BCKDHA: variants seen among roughly 807,000 people sequenced by gnomAD.
BCKDHA encodes branched chain keto acid dehydrogenase E1 subunit alpha, also known as 2-oxoisovalerate dehydrogenase subunit alpha, mitochondrial.
A neutral mutation model predicts 52.2 loss-of-function variants in BCKDHA; 43 were observed. The observed-to-expected ratio is 0.82, with a 90% CI of 0.64 to 1.06. The LOEUF is 1.06. Ranked by LOEUF, BCKDHA falls within the 50% of genes least tolerant of loss-of-function variation. BCKDHA has a pLI of 0.00. For synonymous variants in BCKDHA, 234 were observed against 247.9 expected, an observed-to-expected ratio of 0.94 and a Z score of 0.53; for missense variants, 527 against 621.3, an observed-to-expected ratio of 0.85 and a Z score of 1.61.
At chr19:41,418,081 G>C (rs896456061) in intron 4 of BCKDHA, among the ~76,000 whole-genome samples, 2 of 106,786 alleles carry the variant, frequency 1.9e-5, no homozygotes, top group African/African-American at 7.9e-5. Context: ...GGCCAAGCCA[G>C]ACTCTGTCTC....
Position 41,422,362 on chromosome 19 carries a change from A to G in BCKDHA, c.845A>G (p.Asp282Gly). 6.2e-7 allele frequency: 1 copy of G among 1,614,110 alleles called. No individual in the cohort carries two copies. Among genetic ancestry groups the G allele is most frequent in the South Asian group, 1.1e-5 (1 of 91,082 alleles). Residue 282 changes from aspartate (D) to glycine (G), a missense_variant, in exon 6 of 9, where the codon GAT becomes GGT. Transcript: ENST00000269980. ...STPTSEQYRG[D>G]GIAARGPGYG... is the part of the protein sequence containing the mutation. ...CCCACCTCTGAGCAGTATCGCGGCG[A>G]TGGCATTGGTATGGGCTCTGCTGGC...
At chr19:41,421,548 A>G (rs1323373189) in intron 5 of BCKDHA, among the ~76,000 whole-genome samples, 3 of 145,324 alleles carry the variant, frequency 2.1e-5, no homozygotes, top group Admixed American at 2.0e-4. Flanking sequence ...TGGAGTGAGC[A>G]GGTGTGGAGT....
intron 1 of BCKDHA, among the ~76,000 whole-genome samples, chr19:41,408,246 T>TCCA (rs2039214294): frequency 2.3e-5 from 2 of 85,724 alleles, no homozygotes; most frequent in African/African-American, 1.0e-4. Flanking sequence ...CGTAAGCCAC[T>TCCA]GCCCAGCATC....
intron 1 of BCKDHA, among the ~76,000 whole-genome samples, chr19:41,401,527 T>A (rs1406789587): frequency 1.3e-5 from 2 of 152,182 alleles, no homozygotes; most frequent in Admixed American, 1.3e-4. Context: ...CCCGACTTCT[T>A]GCCCCTGCTC....
intron 4 of BCKDHA, chr19:41,418,610 C>T: frequency 2.7e-6 from 1 of 367,572 alleles, no homozygotes. Context: ...CAGCTGCCTG[C>T]AGCCTTGAAC....
rs776170608 is a variant in BCKDHA, at chr19:41,414,126, G to A, written c.453G>A (p.Thr151=). 1.3e-5 allele frequency: 21 copies of A among 1,613,580 alleles called. No individual in the cohort carries two copies. Among genetic ancestry groups the A allele is most frequent in the African/African-American group, 2.7e-5 (2 of 74,924 alleles). ...GGAGTGCCGCCGCCCTGGACAACAC[G>A]GACCTGGTGTTTGGCCAGTACCGGG... The part of the protein sequence containing the change: ...HVGSAAALDN[T]DLVFGQYREA... Residue 151 remains threonine (T), a synonymous_variant, in exon 4 of 9, where the codon ACG becomes ACA. Transcript: ENST00000269980.
intron 1 of BCKDHA, 76 bp from the exon 2 acceptor site, chr19:41,410,561 C>T: frequency 6.5e-7 from 1 of 1,550,334 alleles, no homozygotes; most frequent in South Asian, 1.1e-5. Flanking sequence ...TGCCGCCTGC[C>T]TGCCGCCGGG....
chr19:41,422,099 A>C (rs1383409439), intron 5 of BCKDHA, 65 bp from the exon 6 acceptor site: 1 of 1,484,404 alleles, frequency 6.7e-7, no homozygotes, highest in East Asian at 2.4e-5. Flanking sequence ...GGGTCATGTG[A>C]GTGTGAATGA....
intron 1 of BCKDHA, among the ~76,000 whole-genome samples, chr19:41,407,655 A>G (rs2039207824): frequency 6.6e-6 from 1 of 152,126 alleles, no homozygotes; most frequent in African/African-American, 2.4e-5. Flanking sequence ...GCAAATAAAT[A>G]CACACACTGA....
At chr19:41,410,242 G>A (rs1210512722) in intron 1 of BCKDHA, among the ~76,000 whole-genome samples, 1 of 152,186 alleles carries the variant, frequency 6.6e-6, no homozygotes, top group Non-Finnish European at 1.5e-5. Context: ...AGAGAGAGAG[G>A]AGGGGGCATC....
intron 1 of BCKDHA, among the ~76,000 whole-genome samples, chr19:41,407,950 A>AT (rs144717663): frequency 0.091 from 11,347 of 124,074 alleles, 765 homozygotes; most frequent in East Asian, 0.33. Context: ...TTCTGATGTA[A>AT]TTTTTTTTTT....
At position 41,397,858 on chromosome 19, in the gene BCKDHA, T is replaced by C. The variant is rs1318613669; in HGVS notation, c.31T>C (p.Trp11Arg). Residue 11 changes from tryptophan to arginine, a missense_variant, in exon 1 of 9, where the codon TGG becomes CGG. Trp to Arg is a moderately radical substitution (Grantham distance 101, BLOSUM62 -3). Transcript: ENST00000269980. The part of the protein sequence containing the change: MAVAIAAARV[W>R]RLNRGLSQAA... ...GGTAGCGATCGCTGCAGCGAGGGTC[T>C]GGCGGCTAAACCGTGGTTTGAGCCA... is the stretch of plus-strand genomic sequence containing the variant. 1.2e-6 allele frequency: 2 copies of C among 1,614,198 alleles called. No individual in the cohort carries two copies.
intron 1 of BCKDHA, among the ~76,000 whole-genome samples, chr19:41,405,905 T>C (rs968638282): frequency 1.3e-5 from 2 of 152,122 alleles, no homozygotes; most frequent in East Asian, 3.9e-4. Flanking sequence ...CATGAAGCTT[T>C]GTGTAAATCT....
At chr19:41,423,992 TAAA>T (rs1325842049) in intron 8 of BCKDHA, among the ~76,000 whole-genome samples, 1 of 141,024 alleles carries the variant, frequency 7.1e-6, no homozygotes, top group East Asian at 2.0e-4. Context: ...GACTATCTCT[TAAA>T]AAAAAAAAAA....
intron 4 of BCKDHA, among the ~76,000 whole-genome samples, chr19:41,417,189 G>C (rs998753198): frequency 6.7e-6 from 1 of 149,058 alleles, no homozygotes; most frequent in African/African-American, 2.5e-5. Context: ...TTTTTTTTTT[G>C]ATTTTTGGTA....
intron 1 of BCKDHA, among the ~76,000 whole-genome samples, chr19:41,406,138 C>T (rs1360803376): frequency 2.0e-5 from 3 of 152,162 alleles, no homozygotes; most frequent in Non-Finnish European, 4.4e-5. Context: ...CTACCATTAT[C>T]TCCACCAGCC....
intron 1 of BCKDHA, among the ~76,000 whole-genome samples, chr19:41,401,461 C>G (rs2039138251): frequency 1.3e-5 from 2 of 152,122 alleles, no homozygotes; most frequent in Admixed American, 1.3e-4. Flanking sequence ...GATTGGATTA[C>G]TGGGTTCACT....
intron 3 of BCKDHA, among the ~76,000 whole-genome samples, chr19:41,412,376 A>ATTTTT (rs1199996566): frequency 2.2e-5 from 1 of 46,390 alleles, no homozygotes; most frequent in Non-Finnish European, 4.3e-5. Context: ...GTCTGTAGAT[A>ATTTTT]TTTCTTTTTT....
At chr19:41,417,215 T>C (rs2039315692) in intron 4 of BCKDHA, among the ~76,000 whole-genome samples, 2 of 151,904 alleles carry the variant, frequency 1.3e-5, no homozygotes, top group African/African-American at 4.8e-5. Flanking sequence ...GGGGTTTCGC[T>C]GTGTTGCCCA....
Sources: gnomAD v4.1 joint callset for allele counts (sites outside exome capture counted in the v4.1 genomes callset) on GRCh38, gnomAD v4.1.1 for gene constraint, MANE v1.5 for transcripts, NCBI Gene and HGNC (gene_info 2026-07-23, HGNC 2026-07-21) for gene names.